The following MYOM1 variants were observed in gnomAD, a reference collection of about 807,000 sequenced individuals.
MYOM1 encodes myomesin 1.
In MYOM1, 164 loss-of-function variants were observed where a neutral mutation model predicts 205.3. The observed-to-expected ratio is 0.80, with a 90% CI of 0.70 to 0.91. The LOEUF is 0.91. Among genes scored for constraint, MYOM1 ranks in the 40% least tolerant of loss-of-function variants. The pLI is 0.00. For missense variants in MYOM1, 2,011 were observed against 2,127.3 expected (o/e 0.95, Z 1.08); for synonymous variants, 772 against 789.4 (o/e 0.98, Z 0.37).
chr18:3,174,678 T>G (rs574992077), intron 6 of MYOM1, among the ~76,000 whole-genome samples: 1 of 152,158 alleles, frequency 6.6e-6, no homozygotes, highest in African/African-American at 2.4e-5. Context: ...GGTTTCAGTC[T>G]GGGGGCAACC....
rs760261171 is a variant in MYOM1, at chr18:3,075,674, T to TC, written c.4685+50dup. 1.9e-6 allele frequency: 3 copies of TC among 1,579,754 alleles called. No individual in the cohort carries two copies. The African/African-American group carries it at 4.1e-5, about 21-fold the overall frequency. On this transcript the variant is annotated intron_variant, in intron 35 of 37. Transcript: ENST00000356443. ...CAGAGGGGCGAGCAGCATGCAAGCT[T>TC]CCCGGGAAATTAGTGCATGCAAGTG...
At chr18:3,193,305 TATATATATGTATATGTACATATAC>T (rs2080940042) in intron 3 of MYOM1, among the ~76,000 whole-genome samples, 1 of 145,550 alleles carries the variant, frequency 6.9e-6, no homozygotes, top group African/African-American at 2.6e-5. Flanking sequence ...TATACATACA[TATATATATGTATATGTACATATAC>T]ATATATATGT....
chr18:3,199,864 C>A (rs536161583), intron 2 of MYOM1, among the ~76,000 whole-genome samples: 84 of 151,822 alleles, frequency 5.5e-4, no homozygotes, highest in African/African-American at 2.0e-3. Flanking sequence ...TACCTGCACA[C>A]TTTAGCTGTG....
chr18:3,231,158 G>A, the MYOM1 span, among the ~76,000 whole-genome samples: 2 of 152,238 alleles, frequency 1.3e-5, no homozygotes, highest in Non-Finnish European at 2.9e-5. Context: ...AAAGGTAACA[G>A]TGAATGGCCT....
intron 13 of MYOM1, among the ~76,000 whole-genome samples, chr18:3,144,956 A>G (rs2080103959): frequency 6.6e-6 from 1 of 152,204 alleles, no homozygotes; most frequent in Non-Finnish European, 1.5e-5. Flanking sequence ...AAAAGACTTG[A>G]GCAATGCTAT....
At chr18:3,230,780 CAT>C in the MYOM1 span, among the ~76,000 whole-genome samples, 10 of 152,200 alleles carry the variant, frequency 6.6e-5, no homozygotes, top group African/African-American at 2.4e-4. Flanking sequence ...CCGCTCCCAC[CAT>C]ATGGAGTATA....
intron 34 of MYOM1, among the ~76,000 whole-genome samples, chr18:3,076,135 TCA>T (rs1055263813): frequency 1.3e-5 from 2 of 152,134 alleles, no homozygotes; most frequent in African/African-American, 4.8e-5. Flanking sequence ...CAATCTCGGC[TCA>T]CTGCAACCTC....
Position 3,187,616 on chromosome 18 carries a change from G to A in MYOM1, c.793C>T (p.His265Tyr), listed in dbSNP as rs923932365. ...RKTLEETETY[H>Y]AKLNEDHLLH... ...AGATGGTCTTCATTCAGCTTGGCAT[G>A]ATATGTCTCGGTTTCTTCTAACTGA... Residue 265 changes from histidine to tyrosine, a missense_variant, in exon 5 of 38, where the codon CAT becomes TAT. Coordinates refer to ENST00000356443, the MANE Select transcript of MYOM1 (RefSeq NM_003803.4). 1 of 1,607,948 alleles carries A rather than the reference G, an allele frequency of 6.2e-7. No individual in the cohort carries two copies. The highest frequency in any genetic ancestry group is 2.2e-5 in the East Asian group (1 of 44,754).
intron 17 of MYOM1, among the ~76,000 whole-genome samples, chr18:3,131,074 A>C (rs1182285113): frequency 1.3e-5 from 2 of 152,202 alleles, no homozygotes; most frequent in Non-Finnish European, 2.9e-5. Flanking sequence ...ATGGCCCTTC[A>C]CAGTCCCAGG....
rs574317135 is a variant in MYOM1, at chr18:3,185,089, A to G, written c.929+2391T>C. 1.2e-4 allele frequency among the ~76,000 whole-genome samples: 19 copies of G among 152,308 alleles called. 2 individuals carry two copies. In the South Asian group the frequency reaches 3.9e-3, roughly 32 times the overall value. ...GTTTGGTCATCTCCTATTTTTCCGGAGAGTTTCCATTCTTTTTGTTTTTGT... is the reference window on the plus strand; with the variant it reads ...GTTTGGTCATCTCCTATTTTTCCGGGGAGTTTCCATTCTTTTTGTTTTTGT... On this transcript the variant is annotated intron_variant, in intron 5 of 37. Coordinates refer to ENST00000356443, the MANE Select transcript of MYOM1 (RefSeq NM_003803.4).
intron 15 of MYOM1, 172 bp from the exon 16 acceptor site, chr18:3,134,996 T>A: frequency 1.6e-6 from 1 of 615,840 alleles, no homozygotes; most frequent in Non-Finnish European, 2.8e-6. Context: ...TCACCCAGGC[T>A]GGAGAGCAGT....
At chr18:3,077,520 G>A (rs543173440) in intron 34 of MYOM1, among the ~76,000 whole-genome samples, 1 of 152,216 alleles carries the variant, frequency 6.6e-6, no homozygotes, top group South Asian at 2.1e-4. Flanking sequence ...GACCAGTTAG[G>A]CGGACCCAGG....
intron 18 of MYOM1, among the ~76,000 whole-genome samples, chr18:3,127,305 A>ATTTT (rs1555620545): frequency 6.9e-4 from 33 of 47,578 alleles, no homozygotes; most frequent in African/African-American, 2.1e-3. Flanking sequence ...ATATATATAT[A>ATTTT]TTTTTTTTTT....
chr18:3,115,014 C>G (rs117815674), intron 21 of MYOM1, among the ~76,000 whole-genome samples: 2,402 of 151,984 alleles, frequency 0.016, 50 homozygotes, highest in South Asian at 0.081. Flanking sequence ...TCAGTTCAAA[C>G]CTCAGGCCCT....
intron 8 of MYOM1, among the ~76,000 whole-genome samples, chr18:3,170,491 T>C (rs941488913): frequency 3.9e-5 from 6 of 152,250 alleles, no homozygotes; most frequent in African/African-American, 1.4e-4. Context: ...TTTAATGATC[T>C]GAGTGATAAA....
At chr18:3,172,499 C>G (rs1265586415) in intron 8 of MYOM1, among the ~76,000 whole-genome samples, 1 of 151,816 alleles carries the variant, frequency 6.6e-6, no homozygotes, top group Non-Finnish European at 1.5e-5. Context: ...GTCATAGGTT[C>G]AGAATTTCCA....
At chr18:3,236,180 G>GCCTAC in the MYOM1 span, among the ~76,000 whole-genome samples, 2 of 152,312 alleles carry the variant, frequency 1.3e-5, no homozygotes, top group East Asian at 3.9e-4. Context: ...ACTTCACCAT[G>GCCTAC]GAGGGTGTCA....
In MYOM1 at chr18:3,174,144, C is replaced by G. The variant is rs775122904; in HGVS notation, c.1087G>C (p.Ala363Pro). 2 of 1,613,928 alleles carry G rather than the reference C, an allele frequency of 1.2e-6. No individual in the cohort carries two copies. Among genetic ancestry groups the G allele is most frequent in the African/African-American group, 1.3e-5 (1 of 74,936 alleles). The change falls in exon 7 of 38, where the codon GCA (alanine) becomes CCA (proline). Residue 363 changes from alanine to proline, a missense_variant. By Grantham distance (27) the Ala-to-Pro change is conservative. Coordinates refer to ENST00000356443, the MANE Select transcript of MYOM1 (RefSeq NM_003803.4). ...CTTTTTACCACAACTGAAGCATATGCCGAAAGCTCTCCTTTAACATTCATC... is the reference window on the plus strand; with the variant it reads ...CTTTTTACCACAACTGAAGCATATGGCGAAAGCTCTCCTTTAACATTCATC... ...SAMNVKGELSAYASVVVKRYK... is the reference protein window; with the variant it reads ...SAMNVKGELSPYASVVVKRYK...
intron 27 of MYOM1, among the ~76,000 whole-genome samples, chr18:3,090,052 T>C (rs1022644186): frequency 5.3e-5 from 8 of 152,212 alleles, no homozygotes; most frequent in African/African-American, 1.9e-4. Flanking sequence ...CTTTGTTGTA[T>C]TGCAATCTCC....
Sources: gnomAD v4.1 joint callset for allele counts (sites outside exome capture counted in the v4.1 genomes callset) on GRCh38, gnomAD v4.1.1 for gene constraint, MANE v1.5 for transcripts, NCBI Gene and HGNC (gene_info 2026-07-23, HGNC 2026-07-21) for gene names.